ZNF385B: variants seen among roughly 807,000 people sequenced by gnomAD.
ZNF385B encodes zinc finger protein 385B.
In ZNF385B, 23 loss-of-function variants were observed where a neutral mutation model predicts 39.2. The observed-to-expected ratio is 0.59, with a 90% CI of 0.42 to 0.83. ZNF385B has a LOEUF of 0.83. Among genes scored for constraint, ZNF385B ranks in the 40% least tolerant of loss-of-function variants. The pLI is 0.00. For synonymous variants in ZNF385B, 205 were observed against 222.6 expected (o/e 0.92, Z 0.70); for missense variants, 552 against 598.9 (o/e 0.92, Z 0.82).
At chr2:179,775,565 T>C (rs981826330) in intron 1 of ZNF385B, among the ~76,000 whole-genome samples, 2 of 152,168 alleles carry the variant, frequency 1.3e-5, no homozygotes, top group African/African-American at 4.8e-5. Flanking sequence ...TTAATTGGGG[T>C]GCTCTGGTCT....
intron 3 of ZNF385B, among the ~76,000 whole-genome samples, chr2:179,698,425 C>T (rs1361209247): frequency 6.6e-6 from 1 of 152,186 alleles, no homozygotes; most frequent in Admixed American, 6.5e-5. Flanking sequence ...TTATCCAACT[C>T]TGACATCTCA....
intron 1 of ZNF385B, among the ~76,000 whole-genome samples, chr2:179,856,995 A>G (rs1292894212): frequency 6.6e-6 from 1 of 152,182 alleles, no homozygotes; most frequent in Non-Finnish European, 1.5e-5. Context: ...AGCGTGGTTC[A>G]AGGATCACCT....
chr2:179,705,045 G>T (rs867132579), intron 3 of ZNF385B, among the ~76,000 whole-genome samples: 1 of 151,952 alleles, frequency 6.6e-6, no homozygotes, highest in African/African-American at 2.4e-5. Context: ...ACCCATGGAA[G>T]GTATCTCATT....
chr2:179,655,703 T>A (rs908211763), intron 3 of ZNF385B, among the ~76,000 whole-genome samples: 27 of 152,100 alleles, frequency 1.8e-4, no homozygotes, highest in African/African-American at 6.5e-4. Context: ...TCCATGTGAA[T>A]CCTCGTAAGA....
intron 4 of ZNF385B, among the ~76,000 whole-genome samples, chr2:179,522,731 CATATT>C: frequency 6.6e-6 from 1 of 152,138 alleles, no homozygotes; most frequent in Admixed American, 6.5e-5. Context: ...ATTAAGTAGT[CATATT>C]AAATTAGCTC....
At chr2:179,733,666 C>T (rs1446860817) in intron 3 of ZNF385B, among the ~76,000 whole-genome samples, 1 of 151,824 alleles carries the variant, frequency 6.6e-6, no homozygotes, top group Non-Finnish European at 1.5e-5. Flanking sequence ...GCCTGTAGTC[C>T]CAGCTACTCC....
chr2:179,677,182 T>C (rs982650911), intron 3 of ZNF385B, among the ~76,000 whole-genome samples: 1 of 152,194 alleles, frequency 6.6e-6, no homozygotes, highest in East Asian at 1.9e-4. Flanking sequence ...AAAAGAGACA[T>C]GCACTCACTC....
rs1352746198 is a variant in ZNF385B, at chr2:179,691,500, ATACTGGAGAAAC to A, written c.298+77991_298+78002del. 2.0e-5 allele frequency among the ~76,000 whole-genome samples: 3 copies of A among 152,210 alleles called. No individual in the cohort carries two copies. In the East Asian group the frequency reaches 5.8e-4, roughly 29 times the overall value. On this transcript the variant is annotated intron_variant, in intron 3 of 9. Coordinates refer to ENST00000410066, the MANE Select transcript of ZNF385B (RefSeq NM_152520.6). ...TTACCAAATGCTATGAGTGATCTAG[ATACTGGAGAAAC>A]TCCGAGGAACAAAAACACACAGAAC...
At chr2:179,659,935 T>C (rs1694269902) in intron 3 of ZNF385B, 1 of 152,638 alleles carries the variant, frequency 6.6e-6, no homozygotes, top group South Asian at 2.1e-4. Flanking sequence ...CCTAAAAATC[T>C]AGTAGGACAA....
At chr2:179,483,184 C>A in intron 6 of ZNF385B, 88 bp downstream of exon 6, 1 of 1,433,716 alleles carries the variant, frequency 7.0e-7, no homozygotes. Flanking sequence ...TGGAGAGTAA[C>A]ATGCAACAAC....
intron 1 of ZNF385B, among the ~76,000 whole-genome samples, chr2:179,780,024 A>AG (rs929704661): frequency 6.6e-6 from 1 of 151,886 alleles, no homozygotes; most frequent in African/African-American, 2.4e-5. Flanking sequence ...GGAGAGGGTA[A>AG]GTGGTTGCGG....
At chr2:179,450,027 G>T (rs2049932588) in intron 6 of ZNF385B, among the ~76,000 whole-genome samples, 1 of 151,996 alleles carries the variant, frequency 6.6e-6, no homozygotes, top group Non-Finnish European at 1.5e-5. Context: ...AATAAATGGT[G>T]CTGGGAAAAC....
chr2:179,764,175 G>C (rs181461733), intron 3 of ZNF385B, among the ~76,000 whole-genome samples: 5 of 152,036 alleles, frequency 3.3e-5, no homozygotes, highest in African/African-American at 1.2e-4. Flanking sequence ...AGGTCTTCCT[G>C]GTGAGTTGAA....
intron 3 of ZNF385B, among the ~76,000 whole-genome samples, chr2:179,552,029 TA>T (rs2060609018): frequency 6.8e-6 from 1 of 146,280 alleles, no homozygotes; most frequent in East Asian, 1.9e-4. Context: ...CAATAATATG[TA>T]AAAGACAATT....
chr2:179,807,755 C>T (rs1279706441), intron 1 of ZNF385B, among the ~76,000 whole-genome samples: 5 of 151,696 alleles, frequency 3.3e-5, no homozygotes, highest in South Asian at 2.1e-4. Context: ...ATTAGCTGGG[C>T]GTGGTGGCAG....
chr2:179,500,687 G>T (rs2056673534), intron 5 of ZNF385B, among the ~76,000 whole-genome samples: 1 of 152,078 alleles, frequency 6.6e-6, no homozygotes, highest in African/African-American at 2.4e-5. Flanking sequence ...ATTGGTCTTG[G>T]CAAAGATTTG....
At chr2:179,781,825 G>T (rs1704682404) in intron 1 of ZNF385B, among the ~76,000 whole-genome samples, 1 of 152,106 alleles carries the variant, frequency 6.6e-6, no homozygotes, top group Non-Finnish European at 1.5e-5. Context: ...AATTGAATCA[G>T]TTGTAAATAG....
chr2:179,774,392 GCT>G (rs1704191303), intron 1 of ZNF385B, among the ~76,000 whole-genome samples: 1 of 151,478 alleles, frequency 6.6e-6, no homozygotes, highest in African/African-American at 2.4e-5. Flanking sequence ...ATGGAGTCTC[GCT>G]CTGTCGCCCA....
At chr2:179,828,722 C>T (rs1181907595) in intron 1 of ZNF385B, among the ~76,000 whole-genome samples, 1 of 152,076 alleles carries the variant, frequency 6.6e-6, no homozygotes, top group African/African-American at 2.4e-5. Flanking sequence ...TTTAAACAGG[C>T]CTATGTAACC....
Sources: gnomAD v4.1 joint callset for allele counts (sites outside exome capture counted in the v4.1 genomes callset) on GRCh38, gnomAD v4.1.1 for gene constraint, MANE v1.5 for transcripts, NCBI Gene and HGNC (gene_info 2026-07-23, HGNC 2026-07-21) for gene names.